The following STK40 variants were observed in gnomAD, a reference collection of about 807,000 sequenced individuals.
The protein encoded by STK40 is serine/threonine kinase 40.
Under a neutral mutation model 47.9 loss-of-function variants are expected in STK40, and 13 were observed. That is an observed-to-expected ratio of 0.27 (90% CI 0.18 to 0.43). The LOEUF is 0.43. STK40 is among the 20% of genes least tolerant of loss of function. The pLI is 1.00. For synonymous variants in STK40, 225 were observed against 243.2 expected (o/e 0.93, Z 0.69); for missense variants, 460 against 595.1 (o/e 0.77, Z 2.36).
At chr1:36,370,796 T>C (rs1335772226) in intron 1 of STK40, among the ~76,000 whole-genome samples, 2 of 152,220 alleles carry the variant, frequency 1.3e-5, no homozygotes, top group East Asian at 1.9e-4. Context: ...CTCTGACAGA[T>C]ACCAAAATCC....
intron 5 of STK40, 61 bp downstream of exon 5, chr1:36,355,145 G>T: frequency 6.5e-7 from 1 of 1,546,248 alleles, no homozygotes; most frequent in Non-Finnish European, 8.9e-7. Flanking sequence ...CTTCTGCTCA[G>T]CAGCAGCAAG....
intron 1 of STK40, among the ~76,000 whole-genome samples, chr1:36,383,697 T>C (rs1419175378): frequency 6.6e-6 from 1 of 152,234 alleles, no homozygotes; most frequent in Non-Finnish European, 1.5e-5. Context: ...GCCCTGGGCA[T>C]GATATCTCAA....
intron 1 of STK40, among the ~76,000 whole-genome samples, chr1:36,368,550 T>G (rs1646920048): frequency 6.6e-6 from 1 of 152,184 alleles, no homozygotes; most frequent in Non-Finnish European, 1.5e-5. Context: ...CCACCCCCAA[T>G]CTACTCATGC....
At chr1:36,379,160 G>A (rs2124753344) in intron 1 of STK40, among the ~76,000 whole-genome samples, 1 of 152,308 alleles carries the variant, frequency 6.6e-6, no homozygotes, top group Non-Finnish European at 1.5e-5. Flanking sequence ...CCTAAAGGCT[G>A]AAGATCTTCT....
intron 4 of STK40, among the ~76,000 whole-genome samples, chr1:36,357,431 A>C (rs559006154): frequency 6.6e-6 from 1 of 152,330 alleles, no homozygotes; most frequent in South Asian, 2.1e-4. Context: ...GAGGCCTCCC[A>C]GTCATTCTGA....
intron 1 of STK40, chr1:36,362,691 A>C (rs1280889644): frequency 6.6e-6 from 1 of 152,224 alleles, no homozygotes; most frequent in Non-Finnish European, 1.5e-5. Context: ...ATGTGCAAAA[A>C]TAAGAAAATA....
intron 1 of STK40, among the ~76,000 whole-genome samples, chr1:36,377,538 A>G (rs1329376809): frequency 6.8e-6 from 1 of 147,768 alleles, no homozygotes; most frequent in Non-Finnish European, 1.5e-5. Context: ...GTCTCAAAAA[A>G]AAAAAAAAAA....
intron 6 of STK40, among the ~76,000 whole-genome samples, chr1:36,349,612 G>A (rs1442380301): frequency 1.3e-5 from 2 of 152,164 alleles, no homozygotes; most frequent in Non-Finnish European, 1.5e-5. Context: ...CCCTTACCTC[G>A]TACTTGTGAC....
intron 1 of STK40, among the ~76,000 whole-genome samples, chr1:36,378,716 C>G (rs887340247): frequency 2.6e-5 from 4 of 152,138 alleles, no homozygotes; most frequent in Non-Finnish European, 5.9e-5. Context: ...CTCGGCCTCC[C>G]GAAGTGTTGA....
intron 7 of STK40, among the ~76,000 whole-genome samples, chr1:36,345,972 T>TAA (rs1557505402): frequency 3.2e-3 from 52 of 16,300 alleles, no homozygotes; most frequent in Non-Finnish European, 5.8e-3. Flanking sequence ...GCATTACATA[T>TAA]ATATATATAT....
rs1322957185 is a variant in STK40 at position 36,348,776 on chromosome 1, C to A, written c.663G>T (p.Lys221Asn). ...RITITNFCLG[K>N]HLVSEGDLLK... is the part of the protein sequence containing the mutation. ...GCAGGTCCCCCTCGCTCACCAGATGCTTCCCGAGGCAGAAGTTGGTGATGG... is the reference window on the plus strand; with the variant it reads ...GCAGGTCCCCCTCGCTCACCAGATGATTCCCGAGGCAGAAGTTGGTGATGG... The change falls in exon 7 of 11, where the codon AAG becomes AAT. Residue 221 changes from lysine (K) to asparagine (N), a missense_variant. Coordinates refer to ENST00000373132, the MANE Select transcript of STK40 (RefSeq NM_001282547.2). The A allele has an allele frequency of 6.2e-7, 1 of 1,609,616 alleles. No homozygotes were observed. Among genetic ancestry groups the A allele is most frequent in the Non-Finnish European group, 8.5e-7 (1 of 1,177,784 alleles).
chr1:36,343,110 T>G (rs1646669473), intron 10 of STK40: 6 of 639,188 alleles, frequency 9.4e-6, no homozygotes, highest in African/African-American at 1.8e-5. Context: ...CCTGGGCCAC[T>G]TGGGCACTGG....
intron 4 of STK40, among the ~76,000 whole-genome samples, chr1:36,357,509 ACT>A (rs1372923319): frequency 4.6e-5 from 7 of 152,136 alleles, no homozygotes; most frequent in Non-Finnish European, 1.5e-5. Flanking sequence ...TCAGGTACAC[ACT>A]GTTAATCAAT....
intron 7 of STK40, among the ~76,000 whole-genome samples, chr1:36,347,555 G>C (rs1212301460): frequency 6.6e-6 from 1 of 152,200 alleles, no homozygotes; most frequent in South Asian, 2.1e-4. Context: ...GCCTCACAGG[G>C]TAGCTGTGTG....
At chr1:36,354,247 A>C in intron 6 of STK40, 117 bp downstream of exon 6, 1 of 1,058,878 alleles carries the variant, frequency 9.4e-7, no homozygotes, top group Non-Finnish European at 1.4e-6. Context: ...TCCTGGAGGA[A>C]GTGGGTTGTT....
chr1:36,345,587 C>G (rs116688210), intron 7 of STK40, among the ~76,000 whole-genome samples: 5,769 of 152,298 alleles, frequency 0.038, 384 homozygotes, highest in African/African-American at 0.13. Context: ...CCATGGCTGA[C>G]TCAAGGACAG....
At chr1:36,383,011 C>T (rs922293175) in intron 1 of STK40, among the ~76,000 whole-genome samples, 1 of 152,082 alleles carries the variant, frequency 6.6e-6, no homozygotes, top group Non-Finnish European at 1.5e-5. Context: ...TGCAATGATG[C>T]AATTTTGGTT....
intron 10 of STK40, chr1:36,343,140 C>A: frequency 1.5e-6 from 1 of 675,724 alleles, no homozygotes; most frequent in East Asian, 2.7e-5. Context: ...GGCTGTCTCA[C>A]AGGTCTCTCT....
chr1:36,381,869 T>G (rs1647042342), intron 1 of STK40, among the ~76,000 whole-genome samples: 1 of 152,118 alleles, frequency 6.6e-6, no homozygotes, highest in South Asian at 2.1e-4. Context: ...TTCCACTGGG[T>G]TCCCCCACAT....
Sources: allele counts gnomAD v4.1 joint callset (sites outside exome capture counted in the v4.1 genomes callset), GRCh38; gene constraint gnomAD v4.1.1; transcripts MANE v1.5; gene names NCBI Gene and HGNC (gene_info 2026-07-23, HGNC 2026-07-21).